OPRM1: variants seen among roughly 807,000 people sequenced by gnomAD.
OPRM1 encodes the protein opioid receptor mu 1, also known as mu-type opioid receptor.
OPRM1 carries 27 observed loss-of-function variants against 31.8 expected under a neutral mutation model. The ratio of observed to expected loss-of-function variants is 0.85; its 90% CI spans 0.63 to 1.17. The LOEUF is 1.17. OPRM1 is among the 50% of genes most tolerant of loss of function. OPRM1 has a pLI of 0.00. For missense variants in OPRM1, 536 were observed against 511.1 expected, an observed-to-expected ratio of 1.05 and a Z score of -0.47; for synonymous variants, 196 against 189.9, an observed-to-expected ratio of 1.03 and a Z score of -0.26.
rs893899910 is a variant in OPRM1 at position 154,091,295 on chromosome 6, A to G, written c.987A>G (p.Thr329=). ...ACTTCTGCATTGCTCTAGGTTACAC[A>G]AACAGCTGCCTCAACCCAGTCCTTT... ...SWHFCIALGY[T]NSCLNPVLYA... Residue 329 remains threonine, a synonymous_variant, in exon 3 of 4, where the codon ACA becomes ACG. Coordinates refer to ENST00000330432, the MANE Select transcript of OPRM1 (RefSeq NM_000914.5). 84 of 1,614,108 alleles carry G rather than the reference A, an allele frequency of 5.2e-5. No individual in the cohort carries two copies. Among genetic ancestry groups the G allele is most frequent in the Non-Finnish European group, 7.1e-5 (84 of 1,180,046 alleles).
At chr6:154,113,172 G>T (rs1025324145) in intron 3 of OPRM1, among the ~76,000 whole-genome samples, 4 of 152,154 alleles carry the variant, frequency 2.6e-5, no homozygotes, top group Non-Finnish European at 4.4e-5. Context: ...GATCTTCTAT[G>T]GTTTGTTCTG....
At position 154,100,183 on chromosome 6, in the gene OPRM1, T is replaced by C. The variant is rs1162925450; in HGVS notation, c.1164+8711T>C. Reference sequence around the variant, plus strand: ...CGTATCATAATATATATTATCATATTATGACATATCATAATATATATTATC... The same window carrying C: ...CGTATCATAATATATATTATCATATCATGACATATCATAATATATATTATC... On this transcript the variant is annotated intron_variant, in intron 3 of 3. Coordinates refer to ENST00000330432, the MANE Select transcript of OPRM1 (RefSeq NM_000914.5). Among the ~76,000 whole-genome samples the C allele has an allele frequency of 1.6e-5, 2 of 126,602 alleles. 1 individual carries two copies. Among genetic ancestry groups the C allele is most frequent in the African/African-American group, 5.8e-5 (2 of 34,408 alleles). The allele number at this position is 126,602 out of a possible 152,430, so 83.1% of individuals were successfully genotyped here.
At chr6:154,167,270 G>A (rs1322864640) in intron 3 of OPRM1, among the ~76,000 whole-genome samples, 6 of 152,204 alleles carry the variant, frequency 3.9e-5, no homozygotes, top group African/African-American at 1.4e-4. Context: ...TTGTTATGAA[G>A]AACCATTTCA....
chr6:154,226,350 A>T (rs1779251422), intron 3 of OPRM1, among the ~76,000 whole-genome samples: 1 of 152,196 alleles, frequency 6.6e-6, no homozygotes, highest in Non-Finnish European at 1.5e-5. Flanking sequence ...CCGCAAGAGT[A>T]ACAAATTCAA....
intron 1 of OPRM1, among the ~76,000 whole-genome samples, chr6:154,065,295 G>A (rs1248044233): frequency 6.6e-6 from 1 of 151,716 alleles, no homozygotes; most frequent in Non-Finnish European, 1.5e-5. Flanking sequence ...GACTACAGCT[G>A]TGTGCCACCA....
At chr6:154,099,801 G>A (rs1794207648) in intron 3 of OPRM1, among the ~76,000 whole-genome samples, 1 of 147,334 alleles carries the variant, frequency 6.8e-6, no homozygotes, top group African/African-American at 2.5e-5. Context: ...ATAAAAACAT[G>A]AGTTTTCATA....
chr6:154,038,311 T>C (rs1463651286), upstream of OPRM1, among the ~76,000 whole-genome samples: 1 of 152,160 alleles, frequency 6.6e-6, no homozygotes, highest in African/African-American at 2.4e-5. Context: ...TACTTCAGAA[T>C]TGGTGTTAAC....
rs201414013 is a variant in OPRM1 at position 154,149,621 on chromosome 6, C to T, written c.1164+58149C>T. Among the ~76,000 whole-genome samples the T allele has an allele frequency of 5.4e-3, 718 of 133,226 alleles. 14 individuals are homozygous for T. Among genetic ancestry groups the T allele is most frequent in the Admixed American group, 0.039 (533 of 13,838 alleles). 87.4% of individuals were successfully genotyped at this position (133,226 alleles called of 152,430 possible). On this transcript the variant is annotated intron_variant, in intron 3 of 3. Transcript: ENST00000337049. ...TCGTGTGTGTGTGTGTGTGTGTGTG[C>T]GCGCGTGTGTGTGTAGAGAGAGAGA...
chr6:154,111,155 C>T (rs1224929781), intron 3 of OPRM1, among the ~76,000 whole-genome samples: 1 of 152,062 alleles, frequency 6.6e-6, no homozygotes, highest in Admixed American at 6.5e-5. Flanking sequence ...AGTCGGAGCC[C>T]TTGTACTATA....
In OPRM1 at chr6:154,125,050, T is replaced by C. The variant is rs966532302; in HGVS notation, c.*6329T>C. ...CATTAGACAGTTTTACAGCTCTGTA[T>C]TTCAGGAAAACTTCTGTCCTGTGGG... On this transcript the variant is annotated 3_prime_UTR_variant, in exon 4 of 4. Coordinates refer to ENST00000330432, the MANE Select transcript of OPRM1 (RefSeq NM_000914.5). Among the ~76,000 whole-genome samples the C allele has an allele frequency of 6.6e-6, 1 of 152,102 alleles. No homozygotes were observed. Among genetic ancestry groups the C allele is most frequent in the African/African-American group, 2.4e-5 (1 of 41,340 alleles).
At chr6:154,229,776 G>A (rs1341810935) in intron 3 of OPRM1, among the ~76,000 whole-genome samples, 1 of 152,174 alleles carries the variant, frequency 6.6e-6, no homozygotes, top group Non-Finnish European at 1.5e-5. Context: ...CATGCAAATC[G>A]TTATAACAGC....
At chr6:154,186,545 CCTTT>C (rs1801366604) in intron 3 of OPRM1, among the ~76,000 whole-genome samples, 2 of 151,772 alleles carry the variant, frequency 1.3e-5, no homozygotes, top group Middle Eastern at 3.4e-3. Context: ...CAGAGCAGCT[CCTTT>C]CTTTCTTTTT....
In OPRM1 at chr6:154,091,114, G is replaced by A. The variant is rs1792052533; in HGVS notation, c.806G>A (p.Gly269Asp). 1 of 1,614,168 alleles carries A rather than the reference G, an allele frequency of 6.2e-7. No homozygotes were observed. The highest frequency in any genetic ancestry group is 8.5e-7 in the Non-Finnish European group (1 of 1,180,030). Residue 269 changes from glycine (G) to aspartate (D), a missense_variant, in exon 3 of 4, where the codon GGC becomes GAC. Gly to Asp is a moderately conservative substitution (Grantham distance 94). Transcript: ENST00000330432. ...CTCAAGAGTGTCCGCATGCTCTCTG[G>A]CTCCAAAGAAAAGGACAGGAATCTT... is the stretch of plus-strand genomic sequence containing the variant. ...LRLKSVRMLS[G>D]SKEKDRNLRR...
chr6:154,034,270 C>T (rs1038017370), upstream of OPRM1, among the ~76,000 whole-genome samples: 12 of 152,188 alleles, frequency 7.9e-5, no homozygotes, highest in East Asian at 1.7e-3. Flanking sequence ...TGAGGCCGGG[C>T]GCGGTGGCTC....
rs1583623874 is a variant in OPRM1, at chr6:154,121,600, A to T, written c.*2879A>T. Among the ~76,000 whole-genome samples the T allele has an allele frequency of 6.6e-6, 1 of 152,182 alleles. No homozygotes were observed. The highest frequency in any genetic ancestry group is 1.9e-4 in the East Asian group (1 of 5,206). On this transcript the variant is annotated 3_prime_UTR_variant, in exon 4 of 4. Coordinates refer to ENST00000330432, the MANE Select transcript of OPRM1 (RefSeq NM_000914.5). Reference sequence around the variant, plus strand: ...TAAAACTGATAACCATTCACTTGCAAATGTTATTATTGAATAAGTCTCACT... The same window carrying T: ...TAAAACTGATAACCATTCACTTGCATATGTTATTATTGAATAAGTCTCACT...
At chr6:154,155,835 A>AACATGTCTT (rs1345814340) in intron 3 of OPRM1, 1 of 152,252 alleles carries the variant, frequency 6.6e-6, no homozygotes, top group East Asian at 1.9e-4. Context: ...TATGAATTTA[A>AACATGTCTT]ACATGTCTTA....
At chr6:154,169,957 T>C (rs1420901787) in intron 3 of OPRM1, among the ~76,000 whole-genome samples, 1 of 152,190 alleles carries the variant, frequency 6.6e-6, no homozygotes, top group Non-Finnish European at 1.5e-5. Flanking sequence ...CCAAGAATAA[T>C]GATATGGAAG....
chr6:154,240,739 C>A (rs1006686248), intron 3 of OPRM1, among the ~76,000 whole-genome samples: 1 of 152,184 alleles, frequency 6.6e-6, no homozygotes, highest in Non-Finnish European at 1.5e-5. Context: ...AGTGTGCATG[C>A]AGCTAGAGAT....
chr6:154,105,862 C>G (rs1220989345), intron 3 of OPRM1, among the ~76,000 whole-genome samples: 3 of 152,152 alleles, frequency 2.0e-5, no homozygotes, highest in African/African-American at 7.2e-5. Context: ...AATGCTAAAC[C>G]TAAGTTTTAA....
Sources: allele counts gnomAD v4.1 joint callset (sites outside exome capture counted in the v4.1 genomes callset), GRCh38; gene constraint gnomAD v4.1.1; transcripts MANE v1.5; gene names NCBI Gene and HGNC (gene_info 2026-07-23, HGNC 2026-07-21).